Variants in CMTM4 observed in about 807,000 individuals in gnomAD.
CMTM4 encodes CKLF like MARVEL transmembrane domain containing 4, also known as CKLF-like MARVEL transmembrane domain-containing protein 4.
In CMTM4, 8 loss-of-function variants were observed where a neutral mutation model predicts 19.0. The observed-to-expected ratio is 0.42, with a 90% CI of 0.25 to 0.76. The LOEUF (loss-of-function observed/expected upper bound fraction) is 0.76. Ranked by LOEUF, CMTM4 falls within the 30% of genes least tolerant of loss-of-function variation. The pLI is 0.27. For missense variants in CMTM4, 228 were observed against 290.2 expected, an observed-to-expected ratio of 0.79 and a Z score of 1.56; for synonymous variants, 106 against 121.1, an observed-to-expected ratio of 0.88 and a Z score of 0.82.
At position 66,696,593 on chromosome 16, in the gene CMTM4, G is replaced by GGCCGCCGCATC; in HGVS notation, c.-79_-69dup. ...CGCCAGGAGCGGGCGGACTCAGCGG[G>GGCCGCCGCATC]GCCGCCGCATCGCCGCCGCCGCCGC... On this transcript the variant is annotated 5_prime_UTR_variant, in exon 1 of 4. The change creates a new upstream start codon in the 5' untranslated region. Transcript: ENST00000394106. This position sits in a 1 kb window ranked among gnomAD's most constrained non-coding sequence, Gnocchi z 4.3. 1 of 996,124 alleles carries GGCCGCCGCATC rather than the reference G, an allele frequency of 1.0e-6. No individual in the cohort carries two copies. Among genetic ancestry groups the GGCCGCCGCATC allele is most frequent in the Non-Finnish European group, 1.2e-6 (1 of 823,650 alleles). The allele number at this position is 996,124 out of a possible 1,614,324, so 61.7% of individuals were successfully genotyped here. A position where few individuals can be genotyped will look rare whatever the true frequency, so the allele number is the denominator to read the frequency against.
At chr16:66,611,058 C>T (rs2015358097), downstream of CMTM4, 1 of 396,810 alleles carries the variant, frequency 2.5e-6, no homozygotes, top group East Asian at 3.6e-5. Context: ...TCAGTGGAAA[C>T]TTGGGTGGTT....
Position 66,696,256 on chromosome 16 carries a change from G to C in CMTM4, c.186+84C>G. 9.7e-7 allele frequency: 1 copy of C among 1,026,030 alleles called. No individual in the cohort carries two copies. Among genetic ancestry groups the C allele is most frequent in the Non-Finnish European group, 1.3e-6 (1 of 795,712 alleles). 63.6% of individuals were successfully genotyped at this position (1,026,030 alleles called of 1,614,324 possible). The stretch of plus-strand genomic sequence containing the variant: ...GGCTCCGGCCTGGGCAAGCGGGTAC[G>C]CGGCGGAGGCCCCGCAGCGGGGCGG... On this transcript the variant is annotated intron_variant, in intron 1 of 3. Coordinates refer to ENST00000394106, the MANE Select transcript of CMTM4 (RefSeq NM_181521.3). The surrounding 1 kb of genome is among the most constrained non-coding windows in gnomAD (Gnocchi z 4.3).
chr16:66,622,283 T>C lies in CMTM4; in HGVS notation c.463-61A>G, dbSNP rs1260921789. On this transcript the variant is annotated intron_variant, in intron 3 of 3. Transcript: ENST00000394106. The surrounding 1 kb of genome is among the most constrained non-coding windows in gnomAD (Gnocchi z 4.0). The stretch of plus-strand genomic sequence containing the variant: ...GTGGCCTGGCCCCTCAAGGCTTCTG[T>C]GGTGACCCAAGCCACATGCAGCCCC... 2 of 1,575,572 alleles carry C rather than the reference T, an allele frequency of 1.3e-6. No homozygotes were observed. Among genetic ancestry groups the C allele is most frequent in the Non-Finnish European group, 1.7e-6 (2 of 1,159,198 alleles).
At chr16:66,599,927 CAGTAGTATCTCATTG>C in the CMTM4 span, among the ~76,000 whole-genome samples, 7 of 152,036 alleles carry the variant, frequency 4.6e-5, no homozygotes, top group African/African-American at 1.5e-4. Context: ...AGTAGACATG[CAGTAGTATCTCATTG>C]TGGTTTTAAT....
intron 2 of CMTM4, among the ~76,000 whole-genome samples, chr16:66,630,338 TC>T (rs1324170419): frequency 1.4e-5 from 1 of 70,066 alleles, no homozygotes; most frequent in Non-Finnish European, 2.6e-5. Flanking sequence ...CCTCTCCCTC[TC>T]CCCACAGTCT....
rs1199118195 is a variant in CMTM4 at position 66,633,092 on chromosome 16, TATATATATAA to T, written c.363+3303_363+3312del. ...AAGAGCGAAACTCCGTTTCAAAATA[TATATATATAA>T]ATATATATATATATAAATATATATA... is the stretch of plus-strand genomic sequence containing the variant. On this transcript the variant is annotated intron_variant, in intron 2 of 3. Transcript: ENST00000394106. Among the ~76,000 whole-genome samples, 4 of 51,806 alleles carry T rather than the reference TATATATATAA, an allele frequency of 7.7e-5. No individual in the cohort carries two copies. In the South Asian group the frequency reaches 3.1e-3, roughly 40 times the overall value. The allele number at this position is 51,806 out of a possible 152,430, so 34.0% of individuals were successfully genotyped here.
chr16:66,625,696 A>T (rs2015724995), intron 2 of CMTM4, among the ~76,000 whole-genome samples: 3 of 152,244 alleles, frequency 2.0e-5, no homozygotes, highest in African/African-American at 7.2e-5. Context: ...ACTGCTAACA[A>T]GAGCATAACA....
At chr16:66,649,925 G>A (rs1371618440) in intron 1 of CMTM4, among the ~76,000 whole-genome samples, 3 of 152,164 alleles carry the variant, frequency 2.0e-5, no homozygotes, top group Non-Finnish European at 2.9e-5. Context: ...TCGTTTTGTG[G>A]CACTTGGAGA....
chr16:66,608,091 C>T, the CMTM4 span, among the ~76,000 whole-genome samples: 1 of 152,196 alleles, frequency 6.6e-6, no homozygotes, highest in Admixed American at 6.5e-5. This position sits in a 1 kb window ranked among gnomAD's most constrained non-coding sequence, Gnocchi z 5.1. Flanking sequence ...AGCAATCCAC[C>T]TGCCTGGGCC....
intron 1 of CMTM4, among the ~76,000 whole-genome samples, chr16:66,690,526 T>A (rs2017115695): frequency 6.6e-6 from 1 of 152,114 alleles, no homozygotes; most frequent in Non-Finnish European, 1.5e-5. Flanking sequence ...CCCCTGCACA[T>A]CCTCCAGAGA....
intron 1 of CMTM4, among the ~76,000 whole-genome samples, chr16:66,661,413 T>C (rs2016496706): frequency 6.6e-6 from 1 of 152,162 alleles, no homozygotes; most frequent in Non-Finnish European, 1.5e-5. Context: ...GGCTAAACGC[T>C]TGTCAGTTAA....
At chr16:66,632,780 G>A (rs1176473984) in intron 2 of CMTM4, among the ~76,000 whole-genome samples, 1 of 152,078 alleles carries the variant, frequency 6.6e-6, no homozygotes, top group African/African-American at 2.4e-5. Context: ...GAGCTCCTAG[G>A]ACACAGAGAA....
intron 1 of CMTM4, among the ~76,000 whole-genome samples, chr16:66,690,685 A>G (rs1276273669): frequency 1.3e-5 from 2 of 152,232 alleles, no homozygotes; most frequent in Non-Finnish European, 2.9e-5. Context: ...ACTATCAAAC[A>G]TTAACCTCTT....
intron 1 of CMTM4, among the ~76,000 whole-genome samples, chr16:66,664,491 T>C (rs1215163624): frequency 6.6e-6 from 1 of 152,164 alleles, no homozygotes; most frequent in African/African-American, 2.4e-5. Context: ...GGGATTTCAA[T>C]GTATTTGACA....
At chr16:66,612,993 G>A (rs561138890), downstream of CMTM4, 31 of 698,388 alleles carry the variant, frequency 4.4e-5, no homozygotes, top group Admixed American at 1.8e-4. The surrounding 1 kb of genome is among the most constrained non-coding windows in gnomAD (Gnocchi z 6.0). Flanking sequence ...GCTAGGTGGC[G>A]GGGGTCGGGG....
chr16:66,615,601 G>A lies in CMTM4; in HGVS notation c.*6457C>T, dbSNP rs3743722. Reference sequence around the variant, plus strand: ...GATCCGAGTGGAAGATGAGAGCCCCGGAGCTGGCTGAGGTCCCCCAGGAAG... The same window carrying A: ...GATCCGAGTGGAAGATGAGAGCCCCAGAGCTGGCTGAGGTCCCCCAGGAAG... On this transcript the variant is annotated 3_prime_UTR_variant, in exon 4 of 4. Coordinates refer to ENST00000394106, the MANE Select transcript of CMTM4 (RefSeq NM_181521.3). The surrounding 1 kb of genome is among the most constrained non-coding windows in gnomAD (Gnocchi z 4.9). The A allele has an allele frequency of 4.5e-3, 681 of 152,458 alleles. 5 individuals carry two copies. Among genetic ancestry groups the A allele is most frequent in the African/African-American group, 0.014 (587 of 41,580 alleles). 9.4% of individuals were successfully genotyped at this position (152,458 alleles called of 1,614,324 possible).
chr16:66,604,032 GT>G, the CMTM4 span: 4 of 146,236 alleles, frequency 2.7e-5, no homozygotes, highest in Non-Finnish European at 6.0e-5. Context: ...TGCGTGTGGA[GT>G]GTGTGTGTGT....
downstream of CMTM4, chr16:66,613,997 G>C (rs1336043632): frequency 2.0e-5 from 3 of 152,122 alleles, no homozygotes; most frequent in Non-Finnish European, 4.4e-5. Flanking sequence ...GGTGGGAGGG[G>C]ATGGTTTCAG....
At chr16:66,648,408 T>C (rs996857296) in intron 1 of CMTM4, among the ~76,000 whole-genome samples, 3 of 152,160 alleles carry the variant, frequency 2.0e-5, no homozygotes, top group African/African-American at 4.8e-5. Flanking sequence ...TAAGAAATCT[T>C]AGCACTTTGG....
Sources: allele counts gnomAD v4.1 joint callset (sites outside exome capture counted in the v4.1 genomes callset), GRCh38; gene constraint gnomAD v4.1.1; non-coding constraint Gnocchi (gnomAD v3.1); transcripts MANE v1.5; gene names NCBI Gene and HGNC (gene_info 2026-07-23, HGNC 2026-07-21).